Variants in ENKUR observed in about 807,000 individuals in gnomAD.
ENKUR encodes enkurin, TRPC channel interacting protein.
In ENKUR, 19 loss-of-function variants were observed where a neutral mutation model predicts 27.6. The observed-to-expected ratio is 0.69, with a 90% CI of 0.48 to 1.01. The LOEUF (loss-of-function observed/expected upper bound fraction) is 1.01, where lower values mean the gene tolerates loss of function less well. Ranked by LOEUF, ENKUR falls within the 50% of genes least tolerant of loss-of-function variation. The probability of loss-of-function intolerance (pLI) is 0.00; values close to 1 mark genes in which losing one functional copy is unlikely to be tolerated. For missense variants in ENKUR, 312 were observed against 310.5 expected (o/e 1.00, Z -0.04); for synonymous variants, 117 against 96.9 (o/e 1.21, Z -1.22).
At chr10:25,019,952 G>A (rs1234543665), upstream of ENKUR, among the ~76,000 whole-genome samples, 1 of 151,966 alleles carries the variant, frequency 6.6e-6, no homozygotes, top group Non-Finnish European at 1.5e-5. Context: ...TGCCTTCTAT[G>A]TATATTCCCG....
chr10:25,054,924 C>T (rs1246012025), intron 2 of ENKUR, among the ~76,000 whole-genome samples: 1 of 152,102 alleles, frequency 6.6e-6, no homozygotes, highest in Non-Finnish European at 1.5e-5. Flanking sequence ...ATCTGCCTGC[C>T]TTGGTTTCCC....
chr10:25,025,271 A>G (rs1184814518), intron 2 of ENKUR: 11 of 1,614,244 alleles, frequency 6.8e-6, no homozygotes, highest in Non-Finnish European at 8.5e-6. Flanking sequence ...AAGATTAAAG[A>G]AATCAATGAG....
intron 2 of ENKUR, among the ~76,000 whole-genome samples, chr10:25,034,404 A>C (rs1216358209): frequency 6.6e-6 from 1 of 152,176 alleles, no homozygotes; most frequent in African/African-American, 2.4e-5. Context: ...TCTAACAAAA[A>C]AGATGTGAAA....
intron 2 of ENKUR, among the ~76,000 whole-genome samples, chr10:24,997,260 A>G (rs914830669): frequency 7.2e-5 from 11 of 152,160 alleles, no homozygotes; most frequent in African/African-American, 2.2e-4. Flanking sequence ...CTAAAAAAGA[A>G]AAGCAAAAAT....
intron 4 of ENKUR, among the ~76,000 whole-genome samples, chr10:24,989,531 A>G (rs1023303271): frequency 2.6e-5 from 4 of 152,222 alleles, no homozygotes; most frequent in Non-Finnish European, 5.9e-5. Flanking sequence ...ACATCTATAC[A>G]TGTACATAGA....
intron 2 of ENKUR, chr10:25,023,037 C>A: frequency 1.0e-5 from 5 of 496,636 alleles, no homozygotes; most frequent in East Asian, 3.3e-5. Context: ...TTTTTAATTC[C>A]ATAAGTTTGG....
intron 3 of ENKUR, among the ~76,000 whole-genome samples, chr10:24,993,625 T>C (rs993307211): frequency 6.6e-6 from 1 of 152,258 alleles, no homozygotes; most frequent in Non-Finnish European, 1.5e-5. Context: ...CTACCAATGA[T>C]AGATCTTTAA....
At chr10:25,016,245 G>C, upstream of ENKUR, 1 of 999,730 alleles carries the variant, frequency 1.0e-6, no homozygotes, top group South Asian at 4.8e-5. Context: ...TCTTTCTGCA[G>C]CGCCTTCTGC....
chr10:25,031,151 C>T, intron 2 of ENKUR, among the ~76,000 whole-genome samples: 1 of 152,144 alleles, frequency 6.6e-6, no homozygotes, highest in East Asian at 1.9e-4. Context: ...AAAGACAATG[C>T]TCAGTGATAC....
At chr10:25,018,857 C>G (rs944899753), upstream of ENKUR, among the ~76,000 whole-genome samples, 1 of 152,144 alleles carries the variant, frequency 6.6e-6, no homozygotes, top group Middle Eastern at 3.4e-3. Flanking sequence ...ATATGTCTAA[C>G]AGCAGAAGTC....
At chr10:25,021,367 A>G (rs143745513) in intron 2 of ENKUR, among the ~76,000 whole-genome samples, 18 of 152,358 alleles carry the variant, frequency 1.2e-4, no homozygotes, top group Middle Eastern at 3.4e-3. Flanking sequence ...ATATAGCCTA[A>G]AAAACAACTC....
chr10:24,990,431 T>C (rs1217356347), intron 4 of ENKUR, 32 bp downstream of exon 4: 1 of 1,590,540 alleles, frequency 6.3e-7, no homozygotes, highest in Admixed American at 1.9e-5. Flanking sequence ...ATCCAAAGAG[T>C]TACAGATGAA....
chr10:25,013,748 G>T (rs1850503374), intron 1 of ENKUR, among the ~76,000 whole-genome samples: 1 of 152,132 alleles, frequency 6.6e-6, no homozygotes, highest in Non-Finnish European at 1.5e-5. Flanking sequence ...GTCAAGACCA[G>T]CCTGGCCACC....
chr10:25,061,273 T>C (rs1851323823), exon 2 of ENKUR: 1 of 821,124 alleles, frequency 1.2e-6, no homozygotes, highest in South Asian at 1.5e-5. Context: ...CATCCAGATA[T>C]GGAAAATCAA....
At chr10:24,991,323 T>G (rs1196144917) in intron 3 of ENKUR, among the ~76,000 whole-genome samples, 1 of 152,034 alleles carries the variant, frequency 6.6e-6, no homozygotes, top group Non-Finnish European at 1.5e-5. Flanking sequence ...TCTTGAATAT[T>G]TTGAAGTCTC....
chr10:25,047,206 A>T (rs532879623), intron 2 of ENKUR, among the ~76,000 whole-genome samples: 3 of 152,034 alleles, frequency 2.0e-5, no homozygotes, highest in African/African-American at 7.2e-5. Flanking sequence ...ACTCCCTTCA[A>T]TTTTTCCATG....
At chr10:25,047,974 C>T (rs1262845389) in intron 2 of ENKUR, among the ~76,000 whole-genome samples, 2 of 152,116 alleles carry the variant, frequency 1.3e-5, no homozygotes, top group East Asian at 1.9e-4. Flanking sequence ...CTTTGTGGTT[C>T]CTCGTTCCTC....
intron 2 of ENKUR, chr10:25,025,573 A>C: frequency 2.0e-6 from 2 of 1,020,958 alleles, no homozygotes; most frequent in South Asian, 3.5e-5. Flanking sequence ...ATCTGTTTGG[A>C]ATTTCAAAAG....
chr10:25,059,242 C>G (rs1401244675), intron 2 of ENKUR, among the ~76,000 whole-genome samples: 1 of 149,626 alleles, frequency 6.7e-6, no homozygotes, highest in South Asian at 2.1e-4. Context: ...AAGCGATTCT[C>G]TTGCCTCAGC....
Sources: allele counts gnomAD v4.1 joint callset (sites outside exome capture counted in the v4.1 genomes callset), GRCh38; gene constraint gnomAD v4.1.1; transcripts MANE v1.5; gene names NCBI Gene and HGNC (gene_info 2026-07-23, HGNC 2026-07-21).